The following CTNNA3 variants were observed in gnomAD, a reference collection of about 807,000 sequenced individuals.
CTNNA3 encodes the protein catenin alpha-3.
CTNNA3 carries 76 observed loss-of-function variants against 95.7 expected under a neutral mutation model. That is an observed-to-expected ratio of 0.79 (90% CI 0.66 to 0.96). The LOEUF (loss-of-function observed/expected upper bound fraction) is 0.96. CTNNA3 is among the 40% of genes least tolerant of loss of function. The pLI, the probability that CTNNA3 is intolerant of heterozygous loss-of-function variation, is 0.00. For synonymous variants in CTNNA3, 431 were observed against 374.4 expected (o/e 1.15, Z -1.74); for missense variants, 1,191 against 1,089.8 (o/e 1.09, Z -1.31).
intron 13 of CTNNA3, among the ~76,000 whole-genome samples, chr10:66,167,463 T>C (rs2085194739): frequency 6.6e-6 from 1 of 152,156 alleles, no homozygotes; most frequent in African/African-American, 2.4e-5. Flanking sequence ...AAATGAATCG[T>C]TTTAAAAGAT....
At chr10:66,440,550 C>G (rs150560308) in intron 11 of CTNNA3, among the ~76,000 whole-genome samples, 1 of 152,122 alleles carries the variant, frequency 6.6e-6, no homozygotes, top group African/African-American at 2.4e-5. Flanking sequence ...CAAGCTCTTA[C>G]GATGATCAAA....
chr10:67,266,561 T>A (rs1239584354), intron 5 of CTNNA3, among the ~76,000 whole-genome samples: 1 of 152,176 alleles, frequency 6.6e-6, no homozygotes, highest in Non-Finnish European at 1.5e-5. Flanking sequence ...AATATTAGAT[T>A]CCAGCATTTT....
intron 15 of CTNNA3, among the ~76,000 whole-genome samples, chr10:66,019,112 C>T (rs114449619): frequency 0.013 from 1,907 of 152,134 alleles, 30 homozygotes; most frequent in African/African-American, 0.044. Flanking sequence ...TAGCTGAGAG[C>T]TTTATTGCAG....
At chr10:66,164,272 C>T (rs1026988235) in intron 13 of CTNNA3, among the ~76,000 whole-genome samples, 1 of 152,000 alleles carries the variant, frequency 6.6e-6, no homozygotes, top group African/African-American at 2.4e-5. Context: ...CATCAAGATA[C>T]CTATTAATGA....
chr10:67,174,103 C>G (rs1305039454), intron 7 of CTNNA3, among the ~76,000 whole-genome samples: 1 of 152,166 alleles, frequency 6.6e-6, no homozygotes, highest in Non-Finnish European at 1.5e-5. Flanking sequence ...TTTATAGTTA[C>G]TTTTATTTTA....
intron 10 of CTNNA3, among the ~76,000 whole-genome samples, chr10:66,576,801 A>G (rs180988355): frequency 1.1e-4 from 16 of 151,976 alleles, no homozygotes; most frequent in Admixed American, 2.0e-4. Context: ...ATATGAGTGC[A>G]TGCATCTTTT....
At chr10:67,228,057 C>T (rs933178612) in intron 5 of CTNNA3, among the ~76,000 whole-genome samples, 6 of 152,082 alleles carry the variant, frequency 3.9e-5, no homozygotes, top group South Asian at 2.1e-4. Flanking sequence ...CAGCCCTAAA[C>T]ACCTACACCA....
At chr10:67,024,776 G>C (rs4745924) in intron 7 of CTNNA3, among the ~76,000 whole-genome samples, 56,205 of 151,998 alleles carry the variant, frequency 0.37, 11,053 homozygotes, top group Middle Eastern at 0.61. Context: ...CATTGATGTT[G>C]CTTTAAATAT....
intron 7 of CTNNA3, among the ~76,000 whole-genome samples, chr10:67,140,530 C>T (rs990091574): frequency 5.3e-5 from 8 of 152,086 alleles, no homozygotes; most frequent in African/African-American, 1.9e-4. Context: ...AAAAAGACTT[C>T]TGAACCCAGA....
At chr10:66,116,775 C>T (rs969078134) in intron 13 of CTNNA3, among the ~76,000 whole-genome samples, 11 of 152,096 alleles carry the variant, frequency 7.2e-5, no homozygotes, top group Non-Finnish European at 1.5e-4. Context: ...ACCTTACAAT[C>T]ATGGTGGAAG....
intron 5 of CTNNA3, among the ~76,000 whole-genome samples, chr10:67,435,548 G>T (rs949199363): frequency 1.3e-5 from 2 of 151,976 alleles, no homozygotes; most frequent in South Asian, 4.1e-4. Context: ...ACTGTTTGCT[G>T]ACAATATGAT....
chr10:67,763,273 TAAA>T (rs11311944), intron 1 of CTNNA3, among the ~76,000 whole-genome samples: 40 of 148,836 alleles, frequency 2.7e-4, no homozygotes, highest in Admixed American at 2.5e-3. Context: ...TGCCAAAATT[TAAA>T]AAAAAAAAAA....
chr10:65,945,380 A>C (rs1239100443), intron 17 of CTNNA3, among the ~76,000 whole-genome samples: 1 of 152,162 alleles, frequency 6.6e-6, no homozygotes, highest in Non-Finnish European at 1.5e-5. Context: ...CCTTAGGATA[A>C]TGTCCTTTCT....
chr10:66,612,495 C>A (rs145086624), intron 10 of CTNNA3, among the ~76,000 whole-genome samples: 200 of 152,136 alleles, frequency 1.3e-3, no homozygotes, highest in African/African-American at 4.4e-3. Context: ...TTAAGTGGGG[C>A]AACATCACTT....
Position 66,416,208 on chromosome 10 carries a change from C to T in CTNNA3, c.1532-36856G>A, listed in dbSNP as rs1045945077. On this transcript the variant is annotated intron_variant, in intron 11 of 17. Transcript: ENST00000433211. ...AGCTTCAACCATAGACTAGATGAAG[C>T]AGACAAAATAATTTCACAACTTGAT... 5.3e-5 allele frequency among the ~76,000 whole-genome samples: 8 copies of T among 151,806 alleles called. No individual in the cohort carries two copies. The East Asian group carries it at 1.6e-3, about 30-fold the overall frequency.
intron 7 of CTNNA3, among the ~76,000 whole-genome samples, chr10:66,991,253 A>C (rs1222537048): frequency 6.6e-6 from 1 of 152,188 alleles, no homozygotes; most frequent in East Asian, 1.9e-4. Flanking sequence ...ATTTGAGGGA[A>C]GTTATTTAAA....
At chr10:67,749,813 A>G (rs1841394859) in intron 1 of CTNNA3, among the ~76,000 whole-genome samples, 1 of 152,364 alleles carries the variant, frequency 6.6e-6, no homozygotes, top group Admixed American at 6.5e-5. Context: ...AACTAAGATC[A>G]GAGTGGAACT....
intron 13 of CTNNA3, among the ~76,000 whole-genome samples, chr10:66,195,917 C>A (rs1449617240): frequency 6.6e-6 from 1 of 152,096 alleles, no homozygotes; most frequent in African/African-American, 2.4e-5. Context: ...AAAGAACTGC[C>A]ATTTGTGTGT....
rs554105197 is a variant in CTNNA3 at position 65,917,437 on chromosome 10, G to A, written c.*2893C>T. On this transcript the variant is annotated 3_prime_UTR_variant, in exon 18 of 18. Coordinates refer to ENST00000433211, the MANE Select transcript of CTNNA3 (RefSeq NM_013266.4). ...AATCTTCAAATTTCTCTAATTAGAA[G>A]GCCATTTAGTGGATTATTATTTCGT... 88 of 145,252 alleles carry A rather than the reference G, an allele frequency of 6.1e-4. 1 individual carries two copies. The highest frequency in any genetic ancestry group is 1.3e-4 in the Non-Finnish European group (9 of 67,028). The allele number at this position is 145,252 out of a possible 1,614,324, so 9.0% of individuals were successfully genotyped here. A position where few individuals can be genotyped will look rare whatever the true frequency, so the allele number is the denominator to read the frequency against.
Sources: gnomAD v4.1 joint callset for allele counts (sites outside exome capture counted in the v4.1 genomes callset) on GRCh38, gnomAD v4.1.1 for gene constraint, MANE v1.5 for transcripts, NCBI Gene and HGNC (gene_info 2026-07-23, HGNC 2026-07-21) for gene names.